FXR1: variants seen among roughly 807,000 people sequenced by gnomAD.
FXR1 encodes the protein FMR1 autosomal homolog 1.
In FXR1, 15 loss-of-function variants were observed where a neutral mutation model predicts 84.0. That is an observed-to-expected ratio of 0.18 (90% CI 0.12 to 0.27). The LOEUF is 0.27. FXR1 is among the 10% of genes least tolerant of loss of function. FXR1 has a pLI of 1.00. For missense variants in FXR1, 480 were observed against 774.4 expected (o/e 0.62, Z 4.51); for synonymous variants, 245 against 250.7 (o/e 0.98, Z 0.21).
intron 13 of FXR1, 116 bp downstream of exon 13, chr3:180,963,206 T>C (rs1177614002): frequency 1.7e-6 from 1 of 602,828 alleles, no homozygotes; most frequent in Non-Finnish European, 2.9e-6. Flanking sequence ...GCTTTGAGGG[T>C]AGAAGGTAGT....
Position 180,961,609 on chromosome 3 carries a change from ATGT to A in FXR1, c.1077+59_1077+61del, listed in dbSNP as rs577329612. The A allele has an allele frequency of 1.3e-4, 104 of 778,230 alleles. 2 individuals carry two copies. In the South Asian group the frequency reaches 1.6e-3, roughly 12 times the overall value. 48.2% of individuals were successfully genotyped at this position (778,230 alleles called of 1,614,324 possible). A position where few individuals can be genotyped will look rare whatever the true frequency, so the allele number is the denominator to read the frequency against. On this transcript the variant is annotated intron_variant, in intron 11 of 16. Coordinates refer to ENST00000357559, the MANE Select transcript of FXR1 (RefSeq NM_005087.4). ...TATTGTTGCTGCATTTACTACATAAATGTTGTACATTTGCTACAAATTTAAAAT... is the reference window on the plus strand; with the variant it reads ...TATTGTTGCTGCATTTACTACATAAATGTACATTTGCTACAAATTTAAAAT...
At chr3:180,946,957 ACT>A (rs1361671490) in intron 3 of FXR1, among the ~76,000 whole-genome samples, 1 of 152,208 alleles carries the variant, frequency 6.6e-6, no homozygotes, top group Admixed American at 6.5e-5. Flanking sequence ...ATAAGAAATA[ACT>A]CTAATCCCAA....
In FXR1 at chr3:180,951,476, C is replaced by G. The variant is rs199498739; in HGVS notation, c.801+8C>G. The stretch of plus-strand genomic sequence containing the variant: ...TTCAGAATCTACGGAGAGGTAAGTT[C>G]TCTTTCTCCTGCCTTGGCCTTTAGT... On this transcript the variant is annotated splice_region_variant and intron_variant, in intron 8 of 16. Transcript: ENST00000357559. 196 of 1,592,600 alleles carry G rather than the reference C, an allele frequency of 1.2e-4. No individual in the cohort carries two copies. Among genetic ancestry groups the G allele is most frequent in the Non-Finnish European group, 1.6e-4 (185 of 1,164,594 alleles).
At chr3:180,955,958 T>G (rs1368297984) in intron 9 of FXR1, among the ~76,000 whole-genome samples, 1 of 152,178 alleles carries the variant, frequency 6.6e-6, no homozygotes, top group Non-Finnish European at 1.5e-5. Context: ...TACACACTGG[T>G]GAAATACTCA....
At chr3:180,914,997 T>A in intron 1 of FXR1, 1 of 885,410 alleles carries the variant, frequency 1.1e-6, no homozygotes, top group Non-Finnish European at 1.4e-6. Context: ...GAATTCTAGG[T>A]CTGTACTTCA....
chr3:180,927,326 CCTT>C (rs1398291579), intron 1 of FXR1, among the ~76,000 whole-genome samples: 1 of 151,978 alleles, frequency 6.6e-6, no homozygotes, highest in Admixed American at 6.6e-5. Context: ...TTTCAACTTT[CCTT>C]CTTTAAAATG....
In FXR1 at chr3:180,978,721, A is replaced by G. The variant is rs1268499143; in HGVS notation, c.*2429A>G. 6.6e-6 allele frequency: 1 copy of G among 152,078 alleles called. No homozygotes were observed. The highest frequency in any genetic ancestry group is 2.4e-5 in the African/African-American group (1 of 41,408). The allele number at this position is 152,078 out of a possible 1,614,324, so 9.4% of individuals were successfully genotyped here. A position where few individuals can be genotyped will look rare whatever the true frequency, so the allele number is the denominator to read the frequency against. ...TCTTTAAAGAGAAGGAAAAAAAGGT[A>G]TTCTGGAAGATCTTGTGCAGTTGCA... On this transcript the variant is annotated 3_prime_UTR_variant, in exon 17 of 17. Coordinates refer to ENST00000357559, the MANE Select transcript of FXR1 (RefSeq NM_005087.4).
chr3:180,975,376 A>G lies in FXR1; in HGVS notation c.1667A>G (p.Glu556Gly), dbSNP rs201230703. 6.2e-5 allele frequency: 94 copies of G among 1,520,234 alleles called. No homozygotes were observed. The highest frequency in any genetic ancestry group is 2.0e-4 in the Admixed American group (11 of 56,404). The allele number at this position is 1,520,234 out of a possible 1,614,324, so 94.2% of individuals were successfully genotyped here. A position where few individuals can be genotyped will look rare whatever the true frequency, so the allele number is the denominator to read the frequency against. ...SQSRQRNLPR[E>G]TLAKNKKEMA... Reference sequence around the variant, plus strand: ...AGCAGACAAAGAAACCTCCCAAGGGAAACTTTGGCTAAAAACAAGAAAGAA... The same window carrying G: ...AGCAGACAAAGAAACCTCCCAAGGGGAACTTTGGCTAAAAACAAGAAAGAA... Residue 556 changes from glutamate to glycine, a missense_variant, in exon 16 of 17, where the codon GAA (glutamate) becomes GGA (glycine). Physicochemically the swap from Glu to Gly is moderately conservative, Grantham distance 98 (BLOSUM62 -2). Coordinates refer to ENST00000357559, the MANE Select transcript of FXR1 (RefSeq NM_005087.4).
chr3:180,967,829 T>C lies in FXR1; in HGVS notation c.1199-222T>C, dbSNP rs1713031484. Among the ~76,000 whole-genome samples, 3 of 152,180 alleles carry C rather than the reference T, an allele frequency of 2.0e-5. No individual in the cohort carries two copies. In the South Asian group the frequency reaches 6.2e-4, roughly 31 times the overall value. Reference sequence around the variant, plus strand: ...CGGCCTTCTGCACATCAGTTTATTTTTTAATCTGTATTAACTAGTAGATAC... The same window carrying C: ...CGGCCTTCTGCACATCAGTTTATTTCTTAATCTGTATTAACTAGTAGATAC... On this transcript the variant is annotated intron_variant, in intron 13 of 16. Coordinates refer to ENST00000357559, the MANE Select transcript of FXR1 (RefSeq NM_005087.4).
At chr3:180,928,967 G>A (rs1408584010) in intron 1 of FXR1, among the ~76,000 whole-genome samples, 1 of 151,452 alleles carries the variant, frequency 6.6e-6, no homozygotes, top group Non-Finnish European at 1.5e-5. Flanking sequence ...TTGTTGCCTA[G>A]GCTGGAGTGC....
intron 13 of FXR1, among the ~76,000 whole-genome samples, chr3:180,963,708 T>C (rs1049369575): frequency 2.0e-5 from 3 of 152,222 alleles, no homozygotes; most frequent in Admixed American, 1.3e-4. Flanking sequence ...TGTATTTCAC[T>C]GTGAGGATTG....
At chr3:180,929,350 T>C (rs1204237133) in intron 1 of FXR1, among the ~76,000 whole-genome samples, 2 of 152,230 alleles carry the variant, frequency 1.3e-5, no homozygotes, top group Non-Finnish European at 2.9e-5. Flanking sequence ...AGATGTGTTA[T>C]ACTGCCTGGT....
intron 1 of FXR1, among the ~76,000 whole-genome samples, chr3:180,920,729 T>A (rs1246515341): frequency 6.6e-6 from 1 of 152,186 alleles, no homozygotes. Flanking sequence ...TAGGCTGACC[T>A]TGAGCTCCTG....
At chr3:180,947,127 A>G (rs1721780565) in intron 3 of FXR1, among the ~76,000 whole-genome samples, 1 of 151,954 alleles carries the variant, frequency 6.6e-6, no homozygotes, top group African/African-American at 2.4e-5. Flanking sequence ...ATCTCTGCTC[A>G]CTGCATCCTC....
chr3:180,944,919 A>G (rs190600512), intron 3 of FXR1, among the ~76,000 whole-genome samples: 1 of 152,366 alleles, frequency 6.6e-6, no homozygotes, highest in Admixed American at 6.5e-5. Context: ...CCCACCACGC[A>G]TGGCCTTATT....
In FXR1 at chr3:180,976,361, A is replaced by G; in HGVS notation, c.*69A>G. ...CAATAGTGCTTGTACAAGCTTGCCA[A>G]AGATAGAATATGGATCGCCAGTCTT... On this transcript the variant is annotated 3_prime_UTR_variant, in exon 17 of 17. Transcript: ENST00000357559. 1 of 1,051,796 alleles carries G rather than the reference A, an allele frequency of 9.5e-7. No homozygotes were observed. Among genetic ancestry groups the G allele is most frequent in the Non-Finnish European group, 1.4e-6 (1 of 732,016 alleles). The allele number at this position is 1,051,796 out of a possible 1,614,324, so 65.2% of individuals were successfully genotyped here. A position where few individuals can be genotyped will look rare whatever the true frequency, so the allele number is the denominator to read the frequency against.
chr3:180,928,415 T>C (rs1002865455), intron 1 of FXR1, among the ~76,000 whole-genome samples: 1 of 136,692 alleles, frequency 7.3e-6, no homozygotes, highest in African/African-American at 2.7e-5. Flanking sequence ...TTTTTTGAGA[T>C]AGGCTTATTT....
chr3:180,949,781 T>C (rs1722038104), intron 7 of FXR1, among the ~76,000 whole-genome samples: 1 of 152,216 alleles, frequency 6.6e-6, no homozygotes, highest in Non-Finnish European at 1.5e-5. Context: ...GTAGAACAAT[T>C]GCTTTTCCAT....
intron 1 of FXR1, chr3:180,914,560 T>C (rs1220131804): frequency 6.5e-6 from 1 of 154,114 alleles, no homozygotes; most frequent in African/African-American, 2.4e-5. Flanking sequence ...CTATGCAAGA[T>C]ATTTTTTCCT....
Sources: gnomAD v4.1 joint callset for allele counts (sites outside exome capture counted in the v4.1 genomes callset) on GRCh38, gnomAD v4.1.1 for gene constraint, MANE v1.5 for transcripts, NCBI Gene and HGNC (gene_info 2026-07-23, HGNC 2026-07-21) for gene names.